LIPG: variants seen among roughly 807,000 people sequenced by gnomAD.
LIPG encodes lipase G, endothelial type.
In LIPG, 34 loss-of-function variants were observed where a neutral mutation model predicts 51.8. That is an observed-to-expected ratio of 0.66 (90% CI 0.50 to 0.87). The LOEUF is 0.87. Among genes scored for constraint, LIPG ranks in the 40% least tolerant of loss-of-function variants. LIPG has a pLI of 0.00. For synonymous variants in LIPG, 246 were observed against 246.1 expected (o/e 1.00, Z 0.00); for missense variants, 580 against 652.7 (o/e 0.89, Z 1.21).
rs79682697 is a variant in LIPG at position 49,566,493 on chromosome 18, T to C, written c.280-949T>C. ...GCAAGATTGTAAATGGTGTTTGGGT[T>C]CCCAGGCTAGGCACAGAAAATCTAT... On this transcript the variant is annotated intron_variant, in intron 2 of 9. Coordinates refer to ENST00000261292, the MANE Select transcript of LIPG (RefSeq NM_006033.4). Among the ~76,000 whole-genome samples the C allele has an allele frequency of 5.1e-3, 776 of 152,334 alleles. 9 individuals carry two copies. The highest frequency in any genetic ancestry group is 0.017 in the African/African-American group (724 of 41,574).
At chr18:49,579,193 A>G (rs1262938764) in intron 5 of LIPG, among the ~76,000 whole-genome samples, 1 of 3,878 alleles carries the variant, frequency 2.6e-4, no homozygotes, top group African/African-American at 2.3e-3. Flanking sequence ...GGAGAGGGAG[A>G]GGGAGAGGGA....
chr18:49,563,329 C>T (rs935174258), intron 1 of LIPG, among the ~76,000 whole-genome samples: 20 of 152,162 alleles, frequency 1.3e-4, no homozygotes, highest in Non-Finnish European at 8.8e-5. Context: ...TTGCCTAGGG[C>T]AGGTCTCATC....
At chr18:49,573,081 C>A (rs1021214812) in intron 4 of LIPG, among the ~76,000 whole-genome samples, 2 of 152,206 alleles carry the variant, frequency 1.3e-5, no homozygotes, top group Non-Finnish European at 2.9e-5. Context: ...TGCCAGCCAG[C>A]CTGTGAAACC....
intron 8 of LIPG, among the ~76,000 whole-genome samples, chr18:49,584,171 A>G (rs573536964): frequency 5.7e-4 from 87 of 152,236 alleles, no homozygotes; most frequent in Non-Finnish European, 9.7e-4. Flanking sequence ...AGCAGACTGG[A>G]GTATCACTTC....
chr18:49,574,568 C>T (rs937318644), intron 4 of LIPG, among the ~76,000 whole-genome samples: 1 of 152,338 alleles, frequency 6.6e-6, no homozygotes, highest in East Asian at 1.9e-4. Context: ...ACTCTCTCCC[C>T]CAACGCACAC....
chr18:49,578,900 C>T (rs1393582078), intron 5 of LIPG, among the ~76,000 whole-genome samples: 5 of 147,070 alleles, frequency 3.4e-5, no homozygotes, highest in South Asian at 2.2e-4. Context: ...CAATCGCAGG[C>T]ACTCGGCAGG....
At chr18:49,582,239 G>C (rs2084827722) in intron 6 of LIPG, 123 bp from the exon 7 acceptor site, 2 of 1,211,676 alleles carry the variant, frequency 1.7e-6, no homozygotes, top group Admixed American at 1.7e-5. Flanking sequence ...GGGGGCTGCA[G>C]GCTGGGCTCA....
intron 5 of LIPG, among the ~76,000 whole-genome samples, chr18:49,581,086 C>A (rs559779992): frequency 6.6e-6 from 1 of 152,144 alleles, no homozygotes; most frequent in Non-Finnish European, 1.5e-5. Flanking sequence ...TGGTGAAACC[C>A]TGTATCTACA....
chr18:49,592,088 G>C lies in LIPG; in HGVS notation c.*1566G>C, dbSNP rs2143987716. On this transcript the variant is annotated 3_prime_UTR_variant, in exon 10 of 10. Transcript: ENST00000261292. Reference sequence around the variant, plus strand: ...ACTTTTTATGGCTGAGATTCGGGAGGAAGTGTGACACCAAGCAGGAGAGGA... The same window carrying C: ...ACTTTTTATGGCTGAGATTCGGGAGCAAGTGTGACACCAAGCAGGAGAGGA... The C allele has an allele frequency of 6.6e-6, 1 of 152,224 alleles. No individual in the cohort carries two copies. The highest frequency in any genetic ancestry group is 6.5e-5 in the Admixed American group (1 of 15,276). 9.4% of individuals were successfully genotyped at this position (152,224 alleles called of 1,614,324 possible).
chr18:49,582,634 C>A, intron 7 of LIPG, 152 bp downstream of exon 7: 1 of 958,922 alleles, frequency 1.0e-6, no homozygotes. Flanking sequence ...CTGGCCTCTG[C>A]AGTCCTCTCT....
chr18:49,573,294 C>G (rs145452510), intron 4 of LIPG, among the ~76,000 whole-genome samples: 105 of 152,314 alleles, frequency 6.9e-4, no homozygotes, highest in East Asian at 3.1e-3. Context: ...CTTGCGGCCT[C>G]TGAAATGGGT....
intron 2 of LIPG, 49 bp downstream of exon 2, chr18:49,565,547 T>C (rs1372709261): frequency 6.3e-7 from 1 of 1,599,596 alleles, no homozygotes; most frequent in East Asian, 2.2e-5. Flanking sequence ...TTTGATTCCC[T>C]TTGTTTTGGT....
intron 6 of LIPG, chr18:49,581,888 T>C (rs1432188332): frequency 4.9e-6 from 3 of 607,190 alleles, no homozygotes; most frequent in Non-Finnish European, 8.7e-6. Flanking sequence ...ACAATATCAA[T>C]ATCTTAAATT....
At chr18:49,575,190 G>C (rs1048522998) in intron 4 of LIPG, among the ~76,000 whole-genome samples, 179 bp from the exon 5 acceptor site, 1 of 152,168 alleles carries the variant, frequency 6.6e-6, no homozygotes, top group Non-Finnish European at 1.5e-5. Flanking sequence ...TGATGTCTTG[G>C]GGTCAACTGC....
At chr18:49,585,899 T>C (rs1321183163) in intron 8 of LIPG, among the ~76,000 whole-genome samples, 2 of 152,176 alleles carry the variant, frequency 1.3e-5, no homozygotes, top group African/African-American at 4.8e-5. Context: ...TTCCTGATTG[T>C]GCGTGAGATA....
intron 8 of LIPG, 144 bp from the exon 9 acceptor site, chr18:49,586,602 A>T: frequency 1.4e-6 from 1 of 695,790 alleles, no homozygotes. Flanking sequence ...TGCAGTAGTG[A>T]TGGGGAATTC....
rs985683659 is a variant in LIPG, at chr18:49,593,044, C to T, written c.*2522C>T. ...CTCCTGGGCTCAGGTGGTCCTCCCA[C>T]CTCAGCCTTCTGAGTAGCTGGGATT... is the stretch of plus-strand genomic sequence containing the variant. On this transcript the variant is annotated 3_prime_UTR_variant, in exon 10 of 10. Transcript: ENST00000261292. 1 of 151,288 alleles carries T rather than the reference C, an allele frequency of 6.6e-6. No individual in the cohort carries two copies. The highest frequency in any genetic ancestry group is 1.5e-5 in the Non-Finnish European group (1 of 67,932). 9.4% of individuals were successfully genotyped at this position (151,288 alleles called of 1,614,324 possible). A position where few individuals can be genotyped will look rare whatever the true frequency, so the allele number is the denominator to read the frequency against.
Position 49,597,364 on chromosome 18 carries a change from G to C in LIPG, c.*6842G>C, listed in dbSNP as rs1256401266. ...GCCCAGTGGTTTCCATGGCAGCAAC[G>C]GTTGCCATAGAGAGGTGAAGAGAGG... On this transcript the variant is annotated 3_prime_UTR_variant, in exon 10 of 10. Transcript: ENST00000261292. The C allele has an allele frequency of 6.6e-6, 1 of 152,114 alleles. No homozygotes were observed. The highest frequency in any genetic ancestry group is 1.5e-5 in the Non-Finnish European group (1 of 68,030). The allele number at this position is 152,114 out of a possible 1,614,324, so 9.4% of individuals were successfully genotyped here.
At chr18:49,582,330 T>C in intron 6 of LIPG, 32 bp from the exon 7 acceptor site, 1 of 1,613,890 alleles carries the variant, frequency 6.2e-7, no homozygotes, top group Non-Finnish European at 8.5e-7. Flanking sequence ...CAAGCAAGGG[T>C]TACAAGCATC....
Sources: gnomAD v4.1 joint callset for allele counts (sites outside exome capture counted in the v4.1 genomes callset) on GRCh38, gnomAD v4.1.1 for gene constraint, MANE v1.5 for transcripts, NCBI Gene and HGNC (gene_info 2026-07-23, HGNC 2026-07-21) for gene names.